ATF7IP2: variants seen among roughly 807,000 people sequenced by gnomAD.
ATF7IP2 encodes the protein activating transcription factor 7-interacting protein 2.
A neutral mutation model predicts 64.2 loss-of-function variants in ATF7IP2; 42 were observed. That is an observed-to-expected ratio of 0.65 (90% CI 0.51 to 0.85). The LOEUF is 0.85. ATF7IP2 is among the 40% of genes least tolerant of loss of function. The probability of loss-of-function intolerance (pLI) is 0.00; values close to 1 mark genes in which losing one functional copy is unlikely to be tolerated. For synonymous variants in ATF7IP2, 308 were observed against 272.8 expected (o/e 1.13, Z -1.27); for missense variants, 933 against 784.2 (o/e 1.19, Z -2.27).
intron 2 of ATF7IP2, among the ~76,000 whole-genome samples, chr16:10,416,620 G>C (rs1420190076): frequency 6.6e-6 from 1 of 152,094 alleles, no homozygotes; most frequent in Non-Finnish European, 1.5e-5. Context: ...TGGCGAAACT[G>C]CCTCTCTACT....
chr16:10,463,098 C>G (rs955575158), intron 9 of ATF7IP2, among the ~76,000 whole-genome samples: 19 of 152,138 alleles, frequency 1.2e-4, no homozygotes, highest in Non-Finnish European at 2.8e-4. Context: ...TTTCTGATGA[C>G]TCTCCTATCT....
At chr16:10,410,377 T>C (rs1456456403) in intron 1 of ATF7IP2, among the ~76,000 whole-genome samples, 2 of 151,970 alleles carry the variant, frequency 1.3e-5, no homozygotes, top group Non-Finnish European at 2.9e-5. Context: ...TTGTTTTGTT[T>C]TGTTTTCCCC....
At chr16:10,406,723 A>G (rs1423640771) in intron 1 of ATF7IP2, among the ~76,000 whole-genome samples, 1 of 152,210 alleles carries the variant, frequency 6.6e-6, no homozygotes, top group Non-Finnish European at 1.5e-5. Flanking sequence ...TAAGAAATCA[A>G]AAACCTGAAC....
At chr16:10,464,623 C>T (rs193196158) in intron 9 of ATF7IP2, among the ~76,000 whole-genome samples, 37 of 152,240 alleles carry the variant, frequency 2.4e-4, no homozygotes, top group African/African-American at 8.7e-4. Flanking sequence ...GGGTCTAAGG[C>T]ACCCAAGAGT....
In ATF7IP2 at chr16:10,457,505, A is replaced by G; in HGVS notation, c.1328A>G (p.Asp443Gly). Reference protein sequence around the residue: ...KGSKKINLSSDQNKSVSESNN... With the variant: ...KGSKKINLSSGQNKSVSESNN... ...AGTAAAAAAATTAATTTGTCATCAG[A>G]TCAAAATAAGTCTGTTTCTGAAAGG... Residue 443 changes from aspartate (D) to glycine (G), a missense_variant, in exon 9 of 14, where the codon GAT becomes GGT. By Grantham distance (94) the Asp-to-Gly change is moderately conservative (BLOSUM62 -1). Transcript: ENST00000562102. 1 of 1,591,408 alleles carries G rather than the reference A, an allele frequency of 6.3e-7. No individual in the cohort carries two copies. Among genetic ancestry groups the G allele is most frequent in the Non-Finnish European group, 8.5e-7 (1 of 1,172,758 alleles).
Position 10,419,640 on chromosome 16 carries a change from G to T in ATF7IP2, c.-160+17G>T, listed in dbSNP as rs751904116. On this transcript the variant is annotated intron_variant, in intron 3 of 13. Transcript: ENST00000562102. ...TGTCCCCAGGTAGGTGGCTGCATTC[G>T]ACAGGTGTTGCTCGTGACAGTTGGG... 4 of 153,142 alleles carry T rather than the reference G, an allele frequency of 2.6e-5. No homozygotes were observed. The highest frequency in any genetic ancestry group is 3.7e-4 in the South Asian group (2 of 5,396). The allele number at this position is 153,142 out of a possible 1,614,324, so 9.5% of individuals were successfully genotyped here. A position where few individuals can be genotyped will look rare whatever the true frequency, so the allele number is the denominator to read the frequency against.
Position 10,478,774 on chromosome 16 carries a change from T to C in ATF7IP2, c.1550-2105T>C, listed in dbSNP as rs1016276164. 4.6e-5 allele frequency among the ~76,000 whole-genome samples: 7 copies of C among 152,084 alleles called. No homozygotes were observed. The East Asian group carries it at 1.2e-3, about 25-fold the overall frequency. ...TACTCATCTGACAAAGGGCTAATATTCAGAATCTACAATGAACTCAAACAA... is the reference window on the plus strand; with the variant it reads ...TACTCATCTGACAAAGGGCTAATATCCAGAATCTACAATGAACTCAAACAA... On this transcript the variant is annotated intron_variant, in intron 12 of 13. Transcript: ENST00000562102.
chr16:10,412,274 CTGTT>C (rs1383562656), intron 1 of ATF7IP2, among the ~76,000 whole-genome samples: 1 of 151,452 alleles, frequency 6.6e-6, no homozygotes, highest in Non-Finnish European at 1.5e-5. Flanking sequence ...CTTAGATTGT[CTGTT>C]TGTGCTCTTT....
chr16:10,473,643 C>T (rs191471943), intron 11 of ATF7IP2, 109 bp downstream of exon 11: 2 of 797,256 alleles, frequency 2.5e-6, no homozygotes, highest in Non-Finnish European at 4.1e-6. Context: ...ACGTTACACA[C>T]TGAAAAGCAG....
chr16:10,457,543 CA>C lies in ATF7IP2; in HGVS notation c.1352+19del. On this transcript the variant is annotated intron_variant, in intron 9 of 13. Coordinates refer to ENST00000562102, the MANE Select transcript of ATF7IP2 (RefSeq NM_001393719.1). ...TGTTTCTGAAAGGTAGGTGTTTCTG[CA>C]AAAATGCATAAATTTATCTAAATCT... is the stretch of plus-strand genomic sequence containing the variant. 2 of 1,524,226 alleles carry C rather than the reference CA, an allele frequency of 1.3e-6. No individual in the cohort carries two copies. Among genetic ancestry groups the C allele is most frequent in the Non-Finnish European group, 1.8e-6 (2 of 1,136,032 alleles). 94.4% of individuals were successfully genotyped at this position (1,524,226 alleles called of 1,614,324 possible).
At chr16:10,388,836 C>T (rs1471665640) in intron 1 of ATF7IP2, among the ~76,000 whole-genome samples, 1 of 151,738 alleles carries the variant, frequency 6.6e-6, no homozygotes, top group South Asian at 2.1e-4. Context: ...TGGTGAAACC[C>T]CGTCTCCACT....
intron 9 of ATF7IP2, among the ~76,000 whole-genome samples, chr16:10,468,604 T>A (rs2049670598): frequency 6.6e-6 from 1 of 152,124 alleles, no homozygotes; most frequent in Non-Finnish European, 1.5e-5. Context: ...GGTCAGAGAT[T>A]GGAGAATCTG....
intron 9 of ATF7IP2, among the ~76,000 whole-genome samples, chr16:10,460,635 A>G (rs1024255829): frequency 3.3e-5 from 5 of 152,098 alleles, no homozygotes; most frequent in African/African-American, 4.8e-5. Flanking sequence ...AAATGGTACC[A>G]TCTTGTTTGC....
At chr16:10,460,882 A>G (rs969201697) in intron 9 of ATF7IP2, among the ~76,000 whole-genome samples, 7 of 152,200 alleles carry the variant, frequency 4.6e-5, no homozygotes, top group South Asian at 2.1e-4. Flanking sequence ...AAAAGGCACT[A>G]TAAAGATAGT....
At chr16:10,433,785 A>C in intron 6 of ATF7IP2, 136 bp downstream of exon 6, 1 of 901,372 alleles carries the variant, frequency 1.1e-6, no homozygotes, top group Non-Finnish European at 1.7e-6. Flanking sequence ...AAGCCAAATT[A>C]TCAGACAGAC....
chr16:10,482,105 A>G lies in ATF7IP2; in HGVS notation c.1905A>G (p.Leu635=), dbSNP rs1236989047. The change falls in exon 14 of 14, where the codon TTA becomes TTG. Residue 635 remains leucine, a synonymous_variant. Coordinates refer to ENST00000562102, the MANE Select transcript of ATF7IP2 (RefSeq NM_001393719.1). ...AGAAGATTGGAGAAATTAAAGCTTT[A>G]CCACTCCCCATGGCCTGTACTTTAT... ...IWKKIGEIKA[L]PLPMACTLSQ... is the part of the protein sequence containing the mutation. The G allele has an allele frequency of 3.7e-6, 6 of 1,614,018 alleles. No individual in the cohort carries two copies. Among genetic ancestry groups the G allele is most frequent in the Non-Finnish European group, 5.1e-6 (6 of 1,180,000 alleles).
At chr16:10,472,874 A>AT (rs1596620365) in intron 10 of ATF7IP2, among the ~76,000 whole-genome samples, 1 of 151,514 alleles carries the variant, frequency 6.6e-6, no homozygotes, top group African/African-American at 2.4e-5. Flanking sequence ...AAAAAAAAAA[A>AT]TTTTAACCTT....
At chr16:10,468,224 T>C (rs936294866) in intron 9 of ATF7IP2, among the ~76,000 whole-genome samples, 1 of 152,224 alleles carries the variant, frequency 6.6e-6, no homozygotes, top group Admixed American at 6.5e-5. Flanking sequence ...ATATTTGTTT[T>C]TGTTTCTTAG....
intron 1 of ATF7IP2, among the ~76,000 whole-genome samples, chr16:10,407,110 A>G (rs1403177491): frequency 6.6e-6 from 1 of 152,236 alleles, no homozygotes; most frequent in Non-Finnish European, 1.5e-5. Context: ...TTATATCAAC[A>G]AAATGAAGGA....
Sources: gnomAD v4.1 joint callset for allele counts (sites outside exome capture counted in the v4.1 genomes callset) on GRCh38, gnomAD v4.1.1 for gene constraint, MANE v1.5 for transcripts, NCBI Gene and HGNC (gene_info 2026-07-23, HGNC 2026-07-21) for gene names.